PHTF2: variants seen among roughly 807,000 people sequenced by gnomAD.
PHTF2 encodes the protein putative homeodomain transcription factor 2, also known as protein PHTF2.
Under a neutral mutation model 101.2 loss-of-function variants are expected in PHTF2, and 60 were observed. That is an observed-to-expected ratio of 0.59 (90% CI 0.48 to 0.73). The LOEUF is 0.73. Ranked by LOEUF, PHTF2 falls within the 30% of genes least tolerant of loss-of-function variation. The pLI is 0.00. For synonymous variants in PHTF2, 311 were observed against 307.3 expected, an observed-to-expected ratio of 1.01 and a Z score of -0.13; for missense variants, 747 against 908.7, an observed-to-expected ratio of 0.82 and a Z score of 2.29.
Position 77,820,540 on chromosome 7 carries a change from GTGTT to G in PHTF2, c.-35-19677_-35-19674del, listed in dbSNP as rs1010454616. ...CTAATGTGTGTGTGTGCGTGTGTGT[GTGTT>G]TGTGTATACGTATATTAGAGATAGA... On this transcript the variant is annotated intron_variant, in intron 1 of 19. Transcript: ENST00000416283. Among the ~76,000 whole-genome samples the G allele has an allele frequency of 3.4e-4, 52 of 151,922 alleles. 1 individual carries two copies. The South Asian group carries it at 9.8e-3, about 29-fold the overall frequency.
intron 3 of PHTF2, chr7:77,854,969 A>G (rs924633399): frequency 3.4e-6 from 2 of 580,908 alleles, no homozygotes; most frequent in Non-Finnish European, 6.2e-6. Context: ...GTTCTACCCT[A>G]CTGTGGCTGA....
chr7:77,811,628 G>A (rs894513594), intron 1 of PHTF2, among the ~76,000 whole-genome samples: 1 of 152,040 alleles, frequency 6.6e-6, no homozygotes, highest in Non-Finnish European at 1.5e-5. Context: ...ATGAATTCTT[G>A]TTTTATCATT....
chr7:77,893,993 G>A, exon 5 of PHTF2: 1 of 1,600,448 alleles, frequency 6.2e-7, no homozygotes. Context: ...TTATTAAACT[G>A]GTAAGTGTTT....
rs138623095 is a variant in PHTF2 at position 77,947,751 on chromosome 7, A to C, written c.1960-1927A>C. On this transcript the variant is annotated intron_variant, in intron 16 of 19. Transcript: ENST00000416283. ...CCCTAAAACTCATCTGGAAGCACAG[A>C]AAGACAAGAGTAGTCCAGATAATTT... Among the ~76,000 whole-genome samples the C allele has an allele frequency of 3.5e-3, 525 of 152,090 alleles. 1 individual carries two copies. The highest frequency in any genetic ancestry group is 0.014 in the Middle Eastern group (4 of 294).
chr7:77,931,086 ATGGTTGTG>A (rs1804524184), intron 12 of PHTF2, among the ~76,000 whole-genome samples: 1 of 152,210 alleles, frequency 6.6e-6, no homozygotes, highest in African/African-American at 2.4e-5. Context: ...AACGGACTAT[ATGGTTGTG>A]AGTCAAATGA....
At chr7:77,940,399 T>C in intron 14 of PHTF2, 97 bp downstream of exon 13, 2 of 1,288,164 alleles carry the variant, frequency 1.6e-6, no homozygotes, top group Non-Finnish European at 1.1e-6. Context: ...ATATCATTTT[T>C]ACCTAATTAT....
chr7:77,866,934 A>T (rs1224367488), intron 3 of PHTF2, among the ~76,000 whole-genome samples: 1 of 152,218 alleles, frequency 6.6e-6, no homozygotes, highest in African/African-American at 2.4e-5. Context: ...GCAAATAGGC[A>T]TATACATTCT....
chr7:77,833,425 T>C (rs533952991), intron 1 of PHTF2, among the ~76,000 whole-genome samples: 3 of 152,302 alleles, frequency 2.0e-5, no homozygotes, highest in African/African-American at 7.2e-5. Flanking sequence ...AATAATAATA[T>C]GAGAGTCTGA....
intron 3 of PHTF2, among the ~76,000 whole-genome samples, chr7:77,866,839 T>G (rs568053563): frequency 6.6e-6 from 1 of 152,352 alleles, no homozygotes; most frequent in East Asian, 1.9e-4. Flanking sequence ...GTAGCCTTGA[T>G]TTATATTTTG....
At chr7:77,818,072 T>C (rs1793994138) in intron 1 of PHTF2, among the ~76,000 whole-genome samples, 1 of 150,968 alleles carries the variant, frequency 6.6e-6, no homozygotes, top group Admixed American at 6.6e-5. Context: ...ATTGCACTAC[T>C]GTACTCTAGT....
At chr7:77,933,649 G>A (rs1804812953) in intron 12 of PHTF2, among the ~76,000 whole-genome samples, 1 of 151,308 alleles carries the variant, frequency 6.6e-6, no homozygotes, top group Non-Finnish European at 1.5e-5. Flanking sequence ...AAGATTGAGG[G>A]AAATGCCTGT....
At chr7:77,927,177 A>AATATATATAT (rs386410516) in intron 11 of PHTF2, among the ~76,000 whole-genome samples, 14 of 78,134 alleles carry the variant, frequency 1.8e-4, no homozygotes, top group Admixed American at 3.7e-4. Context: ...AAAAAAAAAA[A>AATATATATAT]ATATATATAT....
At chr7:77,908,838 T>G in exon 8 of PHTF2, 1 of 1,610,150 alleles carries the variant, frequency 6.2e-7, no homozygotes, top group Non-Finnish European at 8.5e-7. Context: ...CCACACAGCA[T>G]ACCTCTGACA....
At chr7:77,919,124 CTTCTAACTG>C (rs1803206514) in intron 9 of PHTF2, among the ~76,000 whole-genome samples, 1 of 152,036 alleles carries the variant, frequency 6.6e-6, no homozygotes, top group Non-Finnish European at 1.5e-5. Flanking sequence ...GCGAGCTTTG[CTTCTAACTG>C]ACTGCATGAC....
chr7:77,929,223 C>A, exon 12 of PHTF2: 1 of 1,611,640 alleles, frequency 6.2e-7, no homozygotes, highest in Non-Finnish European at 8.5e-7. Flanking sequence ...AGACTTGTTA[C>A]ATTGTGCAGA....
intron 3 of PHTF2, among the ~76,000 whole-genome samples, chr7:77,855,287 C>T (rs1419200612): frequency 6.6e-6 from 1 of 152,232 alleles, no homozygotes; most frequent in Non-Finnish European, 1.5e-5. Context: ...CGAATGGGCA[C>T]TTCAGGACTC....
chr7:77,881,508 A>G (rs1023334095), intron 3 of PHTF2, among the ~76,000 whole-genome samples: 1 of 139,580 alleles, frequency 7.2e-6, no homozygotes, highest in African/African-American at 2.7e-5. Context: ...TATGGCTCCA[A>G]TGGCTGGTTT....
chr7:77,890,675 G>T (rs1030909777), intron 3 of PHTF2, among the ~76,000 whole-genome samples: 4 of 137,340 alleles, frequency 2.9e-5, no homozygotes, highest in African/African-American at 1.1e-4. Context: ...GCGCAATCTC[G>T]GCTCACCGCA....
intron 3 of PHTF2, among the ~76,000 whole-genome samples, chr7:77,891,878 G>C (rs60660683): frequency 0.013 from 1,919 of 152,232 alleles, 40 homozygotes; most frequent in African/African-American, 0.044. Flanking sequence ...GAGCCACTCT[G>C]CACTCAGCCA....
Sources: allele counts gnomAD v4.1 joint callset (sites outside exome capture counted in the v4.1 genomes callset), GRCh38; gene constraint gnomAD v4.1.1; transcripts MANE v1.5; gene names NCBI Gene and HGNC (gene_info 2026-07-23, HGNC 2026-07-21).